The following STOX2 variants were observed in gnomAD, a reference collection of about 807,000 sequenced individuals.
STOX2 encodes the protein storkhead-box protein 2.
A neutral mutation model predicts 60.9 loss-of-function variants in STOX2; 28 were observed. The observed-to-expected ratio is 0.46, with a 90% CI of 0.34 to 0.63. The LOEUF (loss-of-function observed/expected upper bound fraction) is 0.63, where lower values mean the gene tolerates loss of function less well. Ranked by LOEUF, STOX2 falls within the 30% of genes least tolerant of loss-of-function variation. STOX2 has a pLI of 0.01. For missense variants in STOX2, 1,024 were observed against 1,187.7 expected, an observed-to-expected ratio of 0.86 and a Z score of 2.03; for synonymous variants, 472 against 463.9, an observed-to-expected ratio of 1.02 and a Z score of -0.22.
intron 1 of STOX2, among the ~76,000 whole-genome samples, chr4:183,879,326 C>A (rs1258350057): frequency 6.6e-6 from 1 of 152,224 alleles, no homozygotes; most frequent in East Asian, 1.9e-4. Context: ...ATACATCAAG[C>A]ATGGACATAT....
intron 1 of STOX2, among the ~76,000 whole-genome samples, chr4:183,947,046 G>A (rs765931226): frequency 4.0e-5 from 6 of 150,448 alleles, no homozygotes; most frequent in East Asian, 2.0e-4. Context: ...TTACATCAAA[G>A]GTCTGGACCA....
In STOX2 at chr4:183,906,564, G is replaced by T; in HGVS notation, c.-227G>T. The T allele has an allele frequency of 2.1e-6, 1 of 481,504 alleles. No individual in the cohort carries two copies. The highest frequency in any genetic ancestry group is 3.7e-6 in the Non-Finnish European group (1 of 273,672). 29.8% of individuals were successfully genotyped at this position (481,504 alleles called of 1,614,324 possible). A position where few individuals can be genotyped will look rare whatever the true frequency, so the allele number is the denominator to read the frequency against. ...AAGCCGGGCGGATTGCAAATGAAGT[G>T]TAATGCATTGTGGGACGTGTGTAAA... is the stretch of plus-strand genomic sequence containing the variant. On this transcript the variant is annotated 5_prime_UTR_variant, in exon 1 of 4. Coordinates refer to ENST00000308497, the MANE Select transcript of STOX2 (RefSeq NM_020225.3).
chr4:184,007,739 C>T (rs760752537), intron 2 of STOX2, among the ~76,000 whole-genome samples: 21 of 152,192 alleles, frequency 1.4e-4, no homozygotes, highest in Non-Finnish European at 2.9e-4. Context: ...TGTGAGGGCC[C>T]TGTCCTCGGC....
chr4:183,817,888 C>T (rs1036068755), intron 1 of STOX2, among the ~76,000 whole-genome samples: 2 of 152,158 alleles, frequency 1.3e-5, no homozygotes, highest in South Asian at 2.1e-4. Context: ...TGTGCATCTT[C>T]AGGTATTATC....
intron 1 of STOX2, among the ~76,000 whole-genome samples, chr4:183,818,372 G>T (rs1454518142): frequency 6.6e-6 from 1 of 152,162 alleles, no homozygotes; most frequent in Non-Finnish European, 1.5e-5. Flanking sequence ...ATTCAACCCT[G>T]AGTGGACACA....
chr4:183,933,765 A>T (rs988697435), intron 1 of STOX2, among the ~76,000 whole-genome samples: 2 of 152,242 alleles, frequency 1.3e-5, no homozygotes, highest in African/African-American at 4.8e-5. Flanking sequence ...TGAGGTAATT[A>T]GAATTGTAGT....
chr4:183,840,031 A>G (rs1333946559), intron 1 of STOX2, among the ~76,000 whole-genome samples: 1 of 151,742 alleles, frequency 6.6e-6, no homozygotes, highest in Non-Finnish European at 1.5e-5. Flanking sequence ...TTTGTTTTTC[A>G]TGGACTCTGT....
At chr4:183,928,364 A>G (rs973345012) in intron 1 of STOX2, among the ~76,000 whole-genome samples, 22 of 152,202 alleles carry the variant, frequency 1.4e-4, no homozygotes, top group African/African-American at 5.1e-4. Context: ...TGAAACAGCA[A>G]AAAAACCACA....
intron 1 of STOX2, among the ~76,000 whole-genome samples, chr4:183,913,439 G>A (rs954250062): frequency 2.6e-5 from 4 of 152,048 alleles, no homozygotes; most frequent in African/African-American, 4.8e-5. Flanking sequence ...GTGTGTGGGG[G>A]TTGATGTGGT....
rs1446565215 is a variant in STOX2 at position 184,017,831 on chromosome 4, T to A, written c.*547T>A. ...CTAACTAGAAGGGACCCCGGCCCTT[T>A]GTGTGTGAATTGTTTATGCACCAGT... On this transcript the variant is annotated 3_prime_UTR_variant, in exon 4 of 4. Coordinates refer to ENST00000308497, the MANE Select transcript of STOX2 (RefSeq NM_020225.3). 2 of 152,160 alleles carry A rather than the reference T, an allele frequency of 1.3e-5. No individual in the cohort carries two copies. The highest frequency in any genetic ancestry group is 2.9e-5 in the Non-Finnish European group (2 of 68,020). 9.4% of individuals were successfully genotyped at this position (152,160 alleles called of 1,614,324 possible).
At chr4:183,982,375 C>G (rs1361369844) in intron 1 of STOX2, among the ~76,000 whole-genome samples, 1 of 152,098 alleles carries the variant, frequency 6.6e-6, no homozygotes, top group African/African-American at 2.4e-5. Flanking sequence ...GAAATCTTAC[C>G]CAATTTAATT....
At chr4:183,871,760 A>T (rs1478106304) in intron 1 of STOX2, among the ~76,000 whole-genome samples, 1 of 152,134 alleles carries the variant, frequency 6.6e-6, no homozygotes, top group Non-Finnish European at 1.5e-5. Context: ...TTTAGGGGAA[A>T]AAATGAATTC....
intron 1 of STOX2, chr4:183,988,378 TCCAGCTGTTCCATGCAAATAGGATA>T (rs980596400): frequency 6.6e-5 from 10 of 152,066 alleles, no homozygotes; most frequent in Non-Finnish European, 1.5e-4. Context: ...GGAACAGGAT[TCCAGCTGTTCCATGCAAATAGGATA>T]AAAGAATGGT....
intron 1 of STOX2, among the ~76,000 whole-genome samples, chr4:183,864,062 AT>A (rs199976911): frequency 2.6e-5 from 4 of 151,830 alleles, no homozygotes; most frequent in Admixed American, 2.0e-4. Flanking sequence ...TGTGAATGTT[AT>A]TTTTTTTAAT....
At chr4:183,816,672 T>C (rs2111105916) in intron 1 of STOX2, among the ~76,000 whole-genome samples, 1 of 152,356 alleles carries the variant, frequency 6.6e-6, no homozygotes, top group Non-Finnish European at 1.5e-5. Flanking sequence ...CAAAAAAATT[T>C]AAATGGTGAA....
At chr4:183,879,877 G>C (rs1384042754) in intron 1 of STOX2, among the ~76,000 whole-genome samples, 1 of 152,260 alleles carries the variant, frequency 6.6e-6, no homozygotes, top group East Asian at 1.9e-4. Context: ...GCGATAGTAC[G>C]ACATGGTGCA....
At chr4:183,863,246 A>G (rs1381724896) in intron 1 of STOX2, among the ~76,000 whole-genome samples, 1 of 152,134 alleles carries the variant, frequency 6.6e-6, no homozygotes, top group African/African-American at 2.4e-5. Flanking sequence ...GCTCTGCAGT[A>G]AGGAAACCCA....
At chr4:183,802,956 C>T (rs1203208530) in intron 1 of STOX2, among the ~76,000 whole-genome samples, 1 of 152,134 alleles carries the variant, frequency 6.6e-6, no homozygotes, top group Non-Finnish European at 1.5e-5. Flanking sequence ...GTTAAAGACA[C>T]ACCTGAGACT....
intron 1 of STOX2, among the ~76,000 whole-genome samples, chr4:183,946,278 CT>C (rs1742884468): frequency 6.6e-6 from 1 of 152,170 alleles, no homozygotes; most frequent in Non-Finnish European, 1.5e-5. Flanking sequence ...CATGCCTTTT[CT>C]TAGTCTCAGT....
Sources: allele counts gnomAD v4.1 joint callset (sites outside exome capture counted in the v4.1 genomes callset), GRCh38; gene constraint gnomAD v4.1.1; transcripts MANE v1.5; gene names NCBI Gene and HGNC (gene_info 2026-07-23, HGNC 2026-07-21).